PCDHGB3: variants seen among roughly 807,000 people sequenced by gnomAD.
The protein encoded by PCDHGB3 is protocadherin gamma subfamily B, 3.
A neutral mutation model predicts 59.2 loss-of-function variants in PCDHGB3; 40 were observed. The ratio of observed to expected loss-of-function variants is 0.68; its 90% CI spans 0.52 to 0.88. The LOEUF is 0.88. Ranked by LOEUF, PCDHGB3 falls within the 40% of genes least tolerant of loss-of-function variation. The pLI is 0.00. For missense variants in PCDHGB3, 1,309 were observed against 1,187.9 expected (o/e 1.10, Z -1.50); for synonymous variants, 581 against 503.6 (o/e 1.15, Z -2.06).
chr5:141,384,366 T>C (rs573164893), intron 1 of PCDHGB3: 2 of 1,613,896 alleles, frequency 1.2e-6, no homozygotes, highest in Middle Eastern at 1.6e-4. Flanking sequence ...AGATCACTTA[T>C]TCCTTGGCCG....
intron 1 of PCDHGB3, chr5:141,418,035 T>C: frequency 6.2e-7 from 1 of 1,614,000 alleles, no homozygotes; most frequent in Non-Finnish European, 8.5e-7. Context: ...CTTAGTGTCC[T>C]GGATGTGTCG....
chr5:141,486,322 A>G lies in PCDHGB3; in HGVS notation c.2416-8485A>G. The G allele has an allele frequency of 1.9e-6, 3 of 1,613,926 alleles. No homozygotes were observed. The highest frequency in any genetic ancestry group is 2.5e-6 in the Non-Finnish European group (3 of 1,179,962). On this transcript the variant is annotated intron_variant, in intron 1 of 3. Coordinates refer to ENST00000576222, the MANE Select transcript of PCDHGB3 (RefSeq NM_018924.5). This position sits in a 1 kb window ranked among gnomAD's most constrained non-coding sequence, Gnocchi z 5.0. ...AGGATCCAGACTCAGGGTCAAACGG[A>G]GATGTGAGCCTCCGCATTCCTGACC...
At chr5:141,435,214 AC>A (rs1332585721) in intron 1 of PCDHGB3, among the ~76,000 whole-genome samples, 1 of 152,176 alleles carries the variant, frequency 6.6e-6, no homozygotes, top group African/African-American at 2.4e-5. Flanking sequence ...AAGTGAATTT[AC>A]TTTCTTTCAA....
chr5:141,454,908 C>T (rs1370482009), intron 1 of PCDHGB3, among the ~76,000 whole-genome samples: 3 of 145,392 alleles, frequency 2.1e-5, no homozygotes, highest in Non-Finnish European at 4.5e-5. Context: ...CCCGGGTTCA[C>T]GCCATTCTCC....
chr5:141,423,184 C>A (rs747938944), intron 1 of PCDHGB3: 1 of 1,613,442 alleles, frequency 6.2e-7, no homozygotes, highest in South Asian at 1.1e-5. Flanking sequence ...CCACGGCCAG[C>A]CCCCTCTCTC....
chr5:141,443,226 A>T (rs2098374954), intron 1 of PCDHGB3, among the ~76,000 whole-genome samples: 1 of 152,042 alleles, frequency 6.6e-6, no homozygotes, highest in Non-Finnish European at 1.5e-5. Flanking sequence ...CGCATCTATA[A>T]TCTTAGCACT....
At chr5:141,385,191 G>A (rs775228510) in intron 1 of PCDHGB3, 1 of 1,614,086 alleles carries the variant, frequency 6.2e-7, no homozygotes, top group African/African-American at 1.3e-5. Context: ...CGGACTCTCG[G>A]AAGAGTCACC....
At chr5:141,384,519 G>T in intron 1 of PCDHGB3, 3 of 1,614,220 alleles carry the variant, frequency 1.9e-6, no homozygotes, top group Non-Finnish European at 2.5e-6. Context: ...GCGGGGACCC[G>T]CCTCTCAGCA....
At chr5:141,389,325 C>A (rs368804822) in intron 1 of PCDHGB3, 3 of 1,614,004 alleles carry the variant, frequency 1.9e-6, no homozygotes, top group Non-Finnish European at 2.5e-6. Flanking sequence ...GGACTTGGGG[C>A]CCAACGGCCA....
chr5:141,375,231 C>A, intron 1 of PCDHGB3: 1 of 1,613,964 alleles, frequency 6.2e-7, no homozygotes. Context: ...GGCCTGGTAA[C>A]CTGTTCCATC....
intron 1 of PCDHGB3, chr5:141,410,789 A>C: frequency 1.3e-6 from 1 of 794,444 alleles, no homozygotes; most frequent in Non-Finnish European, 1.8e-6. Context: ...TATTTGGTTC[A>C]TAAGTTGCTC....
chr5:141,422,723 G>A lies in PCDHGB3; in HGVS notation c.2415+49914G>A. The stretch of plus-strand genomic sequence containing the variant: ...TCTCTGACGGATGACACTGTCCAGG[G>A]GGTGCCTCTGTCCTCCTATGTCTCT... On this transcript the variant is annotated intron_variant, in intron 1 of 3. Coordinates refer to ENST00000576222, the MANE Select transcript of PCDHGB3 (RefSeq NM_018924.5). The A allele has an allele frequency of 1.2e-6, 2 of 1,605,958 alleles. No homozygotes were observed. The highest frequency in any genetic ancestry group is 1.7e-6 in the Non-Finnish European group (2 of 1,175,478).
chr5:141,400,126 G>C, intron 1 of PCDHGB3: 1 of 1,614,090 alleles, frequency 6.2e-7, no homozygotes. Context: ...CTTGCAGGAG[G>C]TGCTGCCGGA....
At chr5:141,379,885 G>A (rs1386862862) in intron 1 of PCDHGB3, among the ~76,000 whole-genome samples, 2 of 89,210 alleles carry the variant, frequency 2.2e-5, no homozygotes, top group African/African-American at 8.6e-5. Context: ...GTCTGTGAAA[G>A]CCTCTTTTTT....
At chr5:141,387,707 C>A (rs1441500005) in intron 1 of PCDHGB3, 1 of 994,952 alleles carries the variant, frequency 1.0e-6, no homozygotes, top group Non-Finnish European at 1.5e-6. Flanking sequence ...CAGGGCAGCC[C>A]CAGCTCAGAC....
At chr5:141,407,985 A>C in intron 1 of PCDHGB3, 6 of 789,616 alleles carry the variant, frequency 7.6e-6, no homozygotes, top group Non-Finnish European at 1.1e-5. Flanking sequence ...GGGATCCGTC[A>C]GCCTCTGGCC....
At chr5:141,387,643 C>G in intron 1 of PCDHGB3, 1 of 625,670 alleles carries the variant, frequency 1.6e-6, no homozygotes, top group Non-Finnish European at 2.7e-6. Flanking sequence ...CGCTGTTGGC[C>G]AAAGTGGAGA....
At position 141,476,573 on chromosome 5, in the gene PCDHGB3, C is replaced by T; in HGVS notation, c.2416-18234C>T. 6.2e-7 allele frequency: 1 copy of T among 1,614,216 alleles called. No homozygotes were observed. Among genetic ancestry groups the T allele is most frequent in the Non-Finnish European group, 8.5e-7 (1 of 1,180,038 alleles). On this transcript the variant is annotated intron_variant, in intron 1 of 3. Coordinates refer to ENST00000576222, the MANE Select transcript of PCDHGB3 (RefSeq NM_018924.5). The surrounding 1 kb of genome is among the most constrained non-coding windows in gnomAD (Gnocchi z 7.6). ...TAGCGAGGCCGTGGCTCCGGGGACG[C>T]GCTTTCCGCTCGAGAGCGCGCACGA... is the stretch of plus-strand genomic sequence containing the variant.
chr5:141,505,450 G>T lies in PCDHGB3; in HGVS notation c.2532G>T (p.Met844Ile). Residue 844 changes from methionine (M) to isoleucine (I), a missense_variant, in exon 3 of 4, where the codon ATG becomes ATT. By Grantham distance (10) the Met-to-Ile change is conservative (BLOSUM62 1). Coordinates refer to ENST00000576222, the MANE Select transcript of PCDHGB3 (RefSeq NM_018924.5). ...TWPNNQFDTE[M>I]LQAMILASAS... ...CCAACAACCAGTTTGACACAGAGAT[G>T]CTGCAAGCCATGATCTTGGCGTCCG... 6.2e-7 allele frequency: 1 copy of T among 1,614,194 alleles called. No homozygotes were observed. The highest frequency in any genetic ancestry group is 8.5e-7 in the Non-Finnish European group (1 of 1,180,012).
Sources: gnomAD v4.1 joint callset for allele counts (sites outside exome capture counted in the v4.1 genomes callset) on GRCh38, gnomAD v4.1.1 for gene constraint, Gnocchi (gnomAD v3.1) non-coding constraint, MANE v1.5 for transcripts, NCBI Gene and HGNC (gene_info 2026-07-23, HGNC 2026-07-21) for gene names.